The following PI4KA variants were observed in gnomAD, a reference collection of about 807,000 sequenced individuals.
PI4KA encodes the protein PI4-kinase alpha.
Under a neutral mutation model 271.4 loss-of-function variants are expected in PI4KA, and 122 were observed. The observed-to-expected ratio is 0.45, with a 90% CI of 0.39 to 0.52. PI4KA has a LOEUF of 0.52. Ranked by LOEUF, PI4KA falls within the 20% of genes least tolerant of loss-of-function variation. The pLI is 0.00. For synonymous variants in PI4KA, 1,041 were observed against 1,078.8 expected (o/e 0.96, Z 0.69); for missense variants, 1,969 against 2,769.1 (o/e 0.71, Z 6.48).
At position 20,855,304 on chromosome 22, in the gene PI4KA, A is replaced by G. The variant is rs376906233; in HGVS notation, c.156+3266T>C. Among the ~76,000 whole-genome samples, 16 of 152,230 alleles carry G rather than the reference A, an allele frequency of 1.1e-4. No homozygotes were observed. In the South Asian group the frequency reaches 2.9e-3, roughly 28 times the overall value. ...TATTATACTTTAAGTTCAAGGGTACATGTGCACAACATGCAGGTTTGTTAC... is the reference window on the plus strand; with the variant it reads ...TATTATACTTTAAGTTCAAGGGTACGTGTGCACAACATGCAGGTTTGTTAC... On this transcript the variant is annotated intron_variant, in intron 1 of 54. Transcript: ENST00000255882.
intron 1 of PI4KA, among the ~76,000 whole-genome samples, chr22:20,853,379 T>G (rs985246576): frequency 6.6e-6 from 1 of 152,058 alleles, no homozygotes; most frequent in African/African-American, 2.4e-5. Context: ...GGAAGCTTAG[T>G]AGGGGTGGCT....
At chr22:20,736,562 G>A (rs1928742765) in intron 32 of PI4KA, 1 of 153,466 alleles carries the variant, frequency 6.5e-6, no homozygotes, top group African/African-American at 2.4e-5. Context: ...AACCTCAAAG[G>A]TGAAGGTGAT....
At chr22:20,763,498 G>A (rs192861830) in intron 22 of PI4KA, among the ~76,000 whole-genome samples, 6 of 150,494 alleles carry the variant, frequency 4.0e-5, no homozygotes, top group Non-Finnish European at 8.9e-5. Context: ...GGAGTGCAGT[G>A]GCGCGATCTC....
chr22:20,815,379 C>CAAAAAAAAAA (rs361826), intron 7 of PI4KA, among the ~76,000 whole-genome samples: 23 of 83,836 alleles, frequency 2.7e-4, no homozygotes, highest in East Asian at 6.6e-4. Context: ...GACTGCGTCT[C>CAAAAAAAAAA]AAAAAAAAAA....
chr22:20,755,599 G>A (rs555040416), intron 23 of PI4KA, among the ~76,000 whole-genome samples: 2 of 152,176 alleles, frequency 1.3e-5, no homozygotes, highest in Admixed American at 1.3e-4. Context: ...TCAGGAGTTT[G>A]AGACCAGCCT....
At chr22:20,722,254 T>C (rs1407453621) in intron 42 of PI4KA, among the ~76,000 whole-genome samples, 1 of 152,192 alleles carries the variant, frequency 6.6e-6, no homozygotes, top group Middle Eastern at 3.2e-3. Flanking sequence ...TGGTACAATC[T>C]CAGCTCACTG....
intron 1 of PI4KA, among the ~76,000 whole-genome samples, chr22:20,855,771 C>G (rs1173305046): frequency 1.3e-5 from 2 of 152,170 alleles, no homozygotes; most frequent in Non-Finnish European, 2.9e-5. Context: ...ACCAGCCTAG[C>G]CATCAGATTC....
rs1483627501 is a variant in PI4KA at position 20,710,501 on chromosome 22, G to T, written c.6083+198C>A. Reference sequence around the variant, plus strand: ...CGTGGGCAGGATCGTGGGGAAGGTGGTTGGAATTAGATGTCCAGAGCAAGA... The same window carrying T: ...CGTGGGCAGGATCGTGGGGAAGGTGTTTGGAATTAGATGTCCAGAGCAAGA... On this transcript the variant is annotated intron_variant, in intron 52 of 54. Transcript: ENST00000255882. 3 of 623,158 alleles carry T rather than the reference G, an allele frequency of 4.8e-6. No individual in the cohort carries two copies. In the South Asian group the frequency reaches 5.8e-5, roughly 12 times the overall value. 38.6% of individuals were successfully genotyped at this position (623,158 alleles called of 1,614,324 possible).
intron 22 of PI4KA, 135 bp downstream of exon 22, chr22:20,764,682 G>GT: frequency 4.4e-6 from 4 of 906,986 alleles, no homozygotes; most frequent in Non-Finnish European, 6.5e-6. Context: ...AGTAGAGGGT[G>GT]TTTTTGCTTG....
chr22:20,848,878 C>A (rs928352164), intron 1 of PI4KA, among the ~76,000 whole-genome samples: 1 of 151,712 alleles, frequency 6.6e-6, no homozygotes. Flanking sequence ...CTTCAAAGAA[C>A]ACCATGAAGA....
chr22:20,731,751 A>C (rs1371348635), intron 36 of PI4KA, among the ~76,000 whole-genome samples: 2 of 152,158 alleles, frequency 1.3e-5, no homozygotes, highest in Non-Finnish European at 2.9e-5. Context: ...AACACGGTGA[A>C]ACCCCATCTC....
intron 1 of PI4KA, among the ~76,000 whole-genome samples, chr22:20,851,321 T>A (rs903767182): frequency 6.6e-6 from 1 of 152,090 alleles, no homozygotes; most frequent in Non-Finnish European, 1.5e-5. Context: ...CATAATAGTA[T>A]AGCCTTGGGT....
chr22:20,720,519 TC>T (rs1926611061), intron 43 of PI4KA, among the ~76,000 whole-genome samples: 1 of 152,202 alleles, frequency 6.6e-6, no homozygotes, highest in Non-Finnish European at 1.5e-5. Context: ...GCCACTGCAT[TC>T]CTGCCTGGGA....
intron 3 of PI4KA, among the ~76,000 whole-genome samples, chr22:20,824,774 AC>A (rs1569076144): frequency 3.4e-5 from 5 of 145,830 alleles, no homozygotes; most frequent in East Asian, 2.0e-4. Flanking sequence ...ACACACACAC[AC>A]ACACAAAACA....
intron 48 of PI4KA, 51 bp from the exon 49 acceptor site, chr22:20,712,848 A>C: frequency 1.3e-6 from 2 of 1,550,856 alleles, no homozygotes; most frequent in Non-Finnish European, 1.7e-6. Flanking sequence ...CTTGCACCCC[A>C]GCAGCTCTTC....
At chr22:20,715,019 T>C (rs1170698089) in intron 45 of PI4KA, among the ~76,000 whole-genome samples, 2 of 151,918 alleles carry the variant, frequency 1.3e-5, no homozygotes, top group African/African-American at 4.8e-5. Flanking sequence ...GTGTGAGGCC[T>C]GTCCTGCCTC....
chr22:20,834,084 A>C lies in PI4KA; in HGVS notation c.367+478T>G, dbSNP rs78828321. 3.2e-4 allele frequency among the ~76,000 whole-genome samples: 48 copies of C among 152,242 alleles called. 1 individual carries two copies. The East Asian group carries it at 7.5e-3, about 24-fold the overall frequency. On this transcript the variant is annotated intron_variant, in intron 3 of 54. Coordinates refer to ENST00000255882, the MANE Select transcript of PI4KA (RefSeq NM_058004.4). ...TTCCGTTTCTAAAGGTGCAAAGTTTAACTGGAACTTAGAAACAAAGTGATG... is the reference window on the plus strand; with the variant it reads ...TTCCGTTTCTAAAGGTGCAAAGTTTCACTGGAACTTAGAAACAAAGTGATG...
intron 19 of PI4KA, among the ~76,000 whole-genome samples, chr22:20,768,639 G>A (rs895002986): frequency 2.2e-4 from 34 of 152,246 alleles, no homozygotes; most frequent in African/African-American, 7.7e-4. Context: ...TGCAGGTGCC[G>A]GTCCAGGGCT....
intron 47 of PI4KA, among the ~76,000 whole-genome samples, chr22:20,713,680 G>C (rs1447899886): frequency 6.6e-6 from 1 of 152,212 alleles, no homozygotes; most frequent in African/African-American, 2.4e-5. Context: ...GTCAGTGTTG[G>C]GTGCTGTGAG....
Sources: allele counts gnomAD v4.1 joint callset (sites outside exome capture counted in the v4.1 genomes callset), GRCh38; gene constraint gnomAD v4.1.1; transcripts MANE v1.5; gene names NCBI Gene and HGNC (gene_info 2026-07-23, HGNC 2026-07-21).